RAPGEF4: variants seen among roughly 807,000 people sequenced by gnomAD.
The protein encoded by RAPGEF4 is RAP guanine-nucleotide-exchange factor (GEF) 4.
Under a neutral mutation model 147.9 loss-of-function variants are expected in RAPGEF4, and 66 were observed. The observed-to-expected ratio is 0.45, with a 90% CI of 0.37 to 0.55. RAPGEF4 has a LOEUF of 0.55. RAPGEF4 is among the 20% of genes least tolerant of loss of function. The pLI, the probability that RAPGEF4 is intolerant of heterozygous loss-of-function variation, is 0.00. For synonymous variants in RAPGEF4, 419 were observed against 442.7 expected, an observed-to-expected ratio of 0.95 and a Z score of 0.67; for missense variants, 1,071 against 1,257.3, an observed-to-expected ratio of 0.85 and a Z score of 2.24.
chr2:172,824,001 T>C (rs1055966714), intron 4 of RAPGEF4, among the ~76,000 whole-genome samples: 2 of 152,236 alleles, frequency 1.3e-5, no homozygotes, highest in African/African-American at 2.4e-5. Context: ...TTGATTCTTA[T>C]GTGCCTTATG....
intron 4 of RAPGEF4, among the ~76,000 whole-genome samples, chr2:172,847,034 A>G (rs1033335143): frequency 6.6e-6 from 1 of 152,218 alleles, no homozygotes; most frequent in African/African-American, 2.4e-5. Context: ...TGTTTGATGA[A>G]TTAATGGATG....
chr2:172,914,870 A>G (rs1161600398), intron 4 of RAPGEF4, among the ~76,000 whole-genome samples: 1 of 152,166 alleles, frequency 6.6e-6, no homozygotes, highest in Non-Finnish European at 1.5e-5. Context: ...TTCTGTTATG[A>G]GTGAGGTTCT....
chr2:172,909,026 T>G (rs1699867188), intron 4 of RAPGEF4, among the ~76,000 whole-genome samples: 1 of 152,198 alleles, frequency 6.6e-6, no homozygotes, highest in African/African-American at 2.4e-5. Flanking sequence ...GGAGTGTGCA[T>G]GAGTCCTCCT....
Position 173,036,109 on chromosome 2 carries a change from C to A in RAPGEF4, c.2701-16C>A. On this transcript the variant is annotated splice_polypyrimidine_tract_variant and intron_variant, in intron 27 of 30. Coordinates refer to ENST00000397081, the MANE Select transcript of RAPGEF4 (RefSeq NM_007023.4). ...CTGTCACCAGTCATTACCATCATCT[C>A]TTTTTCTCTCCTAAGGACCCTTCAA... 1 of 1,579,828 alleles carries A rather than the reference C, an allele frequency of 6.3e-7. No individual in the cohort carries two copies. Among genetic ancestry groups the A allele is most frequent in the South Asian group, 1.1e-5 (1 of 90,318 alleles).
chr2:172,841,454 C>CCTTT lies in RAPGEF4; in HGVS notation c.444+27029_444+27030insCTTT, dbSNP rs1575007347. 3.3e-5 allele frequency among the ~76,000 whole-genome samples: 5 copies of CCTTT among 152,296 alleles called. No individual in the cohort carries two copies. In the East Asian group the frequency reaches 9.6e-4, roughly 29 times the overall value. Reference sequence around the variant, plus strand: ...CTCTTCTTTATAAACTACCCAGCCTCAGGTATTCCTTTATGGCAATACAAA... The same window carrying CCTTT: ...CTCTTCTTTATAAACTACCCAGCCTCCTTTAGGTATTCCTTTATGGCAATACAAA... On this transcript the variant is annotated intron_variant, in intron 4 of 30. Coordinates refer to ENST00000397081, the MANE Select transcript of RAPGEF4 (RefSeq NM_007023.4).
At chr2:172,949,432 G>A (rs535117091) in intron 6 of RAPGEF4, among the ~76,000 whole-genome samples, 59 of 152,196 alleles carry the variant, frequency 3.9e-4, no homozygotes, top group African/African-American at 1.0e-3. Context: ...GGTGTCTGGC[G>A]GAAATATATC....
At chr2:172,808,100 C>T (rs1421020809) in intron 3 of RAPGEF4, among the ~76,000 whole-genome samples, 1 of 152,206 alleles carries the variant, frequency 6.6e-6, no homozygotes, top group Non-Finnish European at 1.5e-5. Flanking sequence ...TATTTATTTG[C>T]AAGGCACAAG....
At position 172,797,471 on chromosome 2, in the gene RAPGEF4, A is replaced by G. The variant is rs1040410559; in HGVS notation, c.209-54A>G. The G allele has an allele frequency of 1.2e-5, 17 of 1,441,668 alleles. No individual in the cohort carries two copies. The South Asian group carries it at 1.6e-4, about 13-fold the overall frequency. The allele number at this position is 1,441,668 out of a possible 1,614,324, so 89.3% of individuals were successfully genotyped here. On this transcript the variant is annotated intron_variant, in intron 2 of 30. Coordinates refer to ENST00000397081, the MANE Select transcript of RAPGEF4 (RefSeq NM_007023.4). ...GACCAGTGAAAAACTGGCAGATCATATAGTAAAACCAAGTTGTATCTGTTA... is the reference window on the plus strand; with the variant it reads ...GACCAGTGAAAAACTGGCAGATCATGTAGTAAAACCAAGTTGTATCTGTTA...
chr2:172,965,766 T>C (rs757356149), intron 9 of RAPGEF4, 83 bp downstream of exon 9: 20 of 1,558,936 alleles, frequency 1.3e-5, no homozygotes, highest in South Asian at 2.3e-5. Context: ...AACTCTTGAA[T>C]GGGCAAGAAA....
intron 22 of RAPGEF4, 98 bp downstream of exon 22, chr2:173,018,900 C>T: frequency 7.5e-7 from 1 of 1,330,658 alleles, no homozygotes; most frequent in South Asian, 1.4e-5. Flanking sequence ...GAGGCTCACC[C>T]AGAGGATGAA....
chr2:172,777,698 C>T (rs939392518), intron 1 of RAPGEF4, among the ~76,000 whole-genome samples: 12 of 151,952 alleles, frequency 7.9e-5, no homozygotes, highest in South Asian at 4.2e-4. Context: ...TCCCCAGCCC[C>T]GTGAGACTGC....
At chr2:172,819,903 T>C (rs561208039) in intron 4 of RAPGEF4, among the ~76,000 whole-genome samples, 4 of 152,350 alleles carry the variant, frequency 2.6e-5, no homozygotes, top group Admixed American at 2.6e-4. Flanking sequence ...ATTATATTAA[T>C]AGTTGATCTA....
chr2:172,898,687 T>G (rs1020111501), intron 4 of RAPGEF4, among the ~76,000 whole-genome samples: 5 of 152,102 alleles, frequency 3.3e-5, no homozygotes, highest in African/African-American at 9.7e-5. Flanking sequence ...CAGGAGAGAT[T>G]CCCCTGGGTC....
intron 6 of RAPGEF4, among the ~76,000 whole-genome samples, chr2:172,934,743 TA>T (rs11361687): frequency 0.81 from 118,702 of 146,030 alleles, 49,459 homozygotes; most frequent in East Asian, 0.97. Flanking sequence ...ATGGTTGCAG[TA>T]AAAAAAAAAA....
intron 23 of RAPGEF4, among the ~76,000 whole-genome samples, chr2:173,025,667 T>A (rs138209817): frequency 0.016 from 2,417 of 152,358 alleles, 61 homozygotes; most frequent in African/African-American, 0.055. Flanking sequence ...TGTCTTGAAC[T>A]ACTGACCTCA....
At chr2:172,747,403 ATTG>A (rs1365225743) in intron 1 of RAPGEF4, among the ~76,000 whole-genome samples, 2 of 152,226 alleles carry the variant, frequency 1.3e-5, no homozygotes, top group African/African-American at 4.8e-5. Flanking sequence ...GAAATACAGT[ATTG>A]TTAACTATGT....
At chr2:172,867,726 G>A (rs1694800106) in intron 4 of RAPGEF4, among the ~76,000 whole-genome samples, 1 of 152,204 alleles carries the variant, frequency 6.6e-6, no homozygotes, top group Non-Finnish European at 1.5e-5. Context: ...TAAATCCACT[G>A]GCCTTGTCCA....
intron 21 of RAPGEF4, 102 bp downstream of exon 21, chr2:173,017,606 C>G: frequency 1.8e-6 from 2 of 1,102,662 alleles, no homozygotes; most frequent in Non-Finnish European, 2.6e-6. Flanking sequence ...TTTGAAGATG[C>G]CCTGTTGCCC....
intron 5 of RAPGEF4, among the ~76,000 whole-genome samples, chr2:172,921,396 G>A (rs1426382656): frequency 1.3e-5 from 2 of 152,116 alleles, no homozygotes; most frequent in African/African-American, 4.8e-5. Context: ...CTAGCACTCA[G>A]TTCTTTTAAT....
Sources: gnomAD v4.1 joint callset for allele counts (sites outside exome capture counted in the v4.1 genomes callset) on GRCh38, gnomAD v4.1.1 for gene constraint, MANE v1.5 for transcripts, NCBI Gene and HGNC (gene_info 2026-07-23, HGNC 2026-07-21) for gene names.